The following ERICH1 variants were observed in gnomAD, a reference collection of about 807,000 sequenced individuals.
ERICH1 encodes glutamate-rich protein 1.
A neutral mutation model predicts 39.6 loss-of-function variants in ERICH1; 56 were observed. The ratio of observed to expected loss-of-function variants is 1.41; its 90% confidence interval spans 1.14 to 1.77. The LOEUF (loss-of-function observed/expected upper bound fraction) is 1.77, where lower values mean the gene tolerates loss of function less well. Among genes scored for constraint, ERICH1 ranks in the 40% most tolerant of loss-of-function variants. The probability of loss-of-function intolerance (pLI) is 0.00; values close to 1 mark genes in which losing one functional copy is unlikely to be tolerated. For missense variants in ERICH1, 826 were observed against 575.4 expected (o/e 1.44, Z -4.45); for synonymous variants, 313 against 223.6 (o/e 1.40, Z -3.57).
At chr8:721,605 C>T (rs911302686) in intron 1 of ERICH1, among the ~76,000 whole-genome samples, 1 of 152,236 alleles carries the variant, frequency 6.6e-6, no homozygotes, top group African/African-American at 2.4e-5. Context: ...GGCACTGATG[C>T]CCTTGCTGGT....
rs377363807 is a variant in ERICH1 at position 656,954 on chromosome 8, C to A, written c.976+11644G>T. On this transcript the variant is annotated intron_variant, in intron 3 of 3. Coordinates refer to the ERICH1 transcript ENST00000522706. The stretch of plus-strand genomic sequence containing the variant: ...TTAACCTAAATAATGCATTTTAGTG[C>A]AAAATAATTTTTAAGAGCAAACAAT... The A allele has an allele frequency of 1.2e-3, 766 of 663,068 alleles. 2 individuals are homozygous for A. Among genetic ancestry groups the A allele is most frequent in the African/African-American group, 8.5e-3 (438 of 51,582 alleles). The allele number at this position is 663,068 out of a possible 1,614,324, so 41.1% of individuals were successfully genotyped here.
In ERICH1 at chr8:616,762, G is replaced by A. The variant is rs189069479; in HGVS notation, c.977-1478C>T. On this transcript the variant is annotated intron_variant, in intron 3 of 3. Coordinates refer to the ERICH1 transcript ENST00000522706. ...CGGGAGAGAGAGGGACAAAGGGAGA[G>A]GAAGACAGAGAGAGGGAGAGGGAGA... 6.1e-4 allele frequency among the ~76,000 whole-genome samples: 42 copies of A among 68,718 alleles called. 1 individual carries two copies. Among genetic ancestry groups the A allele is most frequent in the African/African-American group, 3.3e-3 (41 of 12,302 alleles). The allele number at this position is 68,718 out of a possible 152,430, so 45.1% of individuals were successfully genotyped here. A position where few individuals can be genotyped will look rare whatever the true frequency, so the allele number is the denominator to read the frequency against.
intron 3 of ERICH1, among the ~76,000 whole-genome samples, chr8:641,421 C>A (rs541480913): frequency 6.6e-6 from 1 of 152,182 alleles, no homozygotes; most frequent in Non-Finnish European, 1.5e-5. Flanking sequence ...ATCCCCAAGT[C>A]CCCTTAAGTA....
intron 5 of ERICH1, among the ~76,000 whole-genome samples, chr8:665,256 C>G (rs1014508660): frequency 6.6e-6 from 1 of 152,124 alleles, no homozygotes; most frequent in Non-Finnish European, 1.5e-5. Flanking sequence ...TCTGAGCCCA[C>G]TGGTCCCCGG....
chr8:700,292 C>G (rs111216084), intron 2 of ERICH1, among the ~76,000 whole-genome samples: 3 of 81,758 alleles, frequency 3.7e-5, no homozygotes, highest in East Asian at 3.3e-4. Flanking sequence ...CCCGCACAGG[C>G]CCGGACACGC....
At chr8:688,291 G>A (rs536453268) in intron 3 of ERICH1, among the ~76,000 whole-genome samples, 2 of 30,808 alleles carry the variant, frequency 6.5e-5, no homozygotes, top group Admixed American at 6.9e-4. Flanking sequence ...GCCCCGCCCC[G>A]GCCCTTCCGC....
intron 3 of ERICH1, among the ~76,000 whole-genome samples, chr8:620,989 G>A (rs336422): frequency 0.73 from 111,235 of 152,162 alleles, 41,826 homozygotes; most frequent in East Asian, 0.93. Flanking sequence ...CACATAAAAC[G>A]TTCTCCACGA....
chr8:659,997 C>G (rs552069924), downstream of ERICH1, among the ~76,000 whole-genome samples: 16 of 152,242 alleles, frequency 1.1e-4, no homozygotes, highest in Non-Finnish European at 2.1e-4. Context: ...CTCAAGCCCC[C>G]CAAGGGAAGG....
intron 3 of ERICH1, among the ~76,000 whole-genome samples, chr8:638,944 C>A (rs939903912): frequency 5.9e-5 from 9 of 152,108 alleles, no homozygotes; most frequent in Non-Finnish European, 1.2e-4. Context: ...CAGTTTTGAA[C>A]CCATAAACGC....
At chr8:620,652 C>G (rs1196030961) in intron 3 of ERICH1, among the ~76,000 whole-genome samples, 3 of 152,146 alleles carry the variant, frequency 2.0e-5, no homozygotes, top group African/African-American at 7.2e-5. Context: ...GCTGGATAGG[C>G]TATACTAACA....
intron 3 of ERICH1, among the ~76,000 whole-genome samples, chr8:682,965 T>C (rs1383771422): frequency 6.6e-6 from 1 of 152,254 alleles, no homozygotes; most frequent in East Asian, 1.9e-4. Flanking sequence ...ATCTAAACCC[T>C]ACCTGTGAAA....
intron 2 of ERICH1, among the ~76,000 whole-genome samples, chr8:708,242 G>T (rs540644672): frequency 1.3e-5 from 2 of 152,296 alleles, no homozygotes; most frequent in East Asian, 3.9e-4. Context: ...TTCTGAAAAA[G>T]TTAAACATGG....
chr8:697,642 C>T (rs1377535398), intron 2 of ERICH1, among the ~76,000 whole-genome samples: 2 of 152,190 alleles, frequency 1.3e-5, no homozygotes, highest in Non-Finnish European at 2.9e-5. Flanking sequence ...CCATTTTGGT[C>T]TCCCTGCCTC....
At chr8:677,182 A>G (rs1257011151) in intron 3 of ERICH1, among the ~76,000 whole-genome samples, 1 of 152,204 alleles carries the variant, frequency 6.6e-6, no homozygotes, top group Non-Finnish European at 1.5e-5. Flanking sequence ...CCATGACTCG[A>G]TAAAGCAGTC....
chr8:678,924 G>A lies in ERICH1; in HGVS notation c.305-4877C>T, dbSNP rs562916001. Among the ~76,000 whole-genome samples the A allele has an allele frequency of 2.0e-5, 3 of 152,032 alleles. No individual in the cohort carries two copies. In the South Asian group the frequency reaches 6.2e-4, roughly 32 times the overall value. ...GGCTCTGGGCCCTCATGGCTCTGAC[G>A]ACCGTCACAGCTCTGGCCTCTTATG... On this transcript the variant is annotated intron_variant, in intron 3 of 5. Coordinates refer to ENST00000262109, the MANE Select transcript of ERICH1 (RefSeq NM_207332.3).
chr8:727,859 G>A (rs905045182), intron 1 of ERICH1, among the ~76,000 whole-genome samples: 1 of 152,228 alleles, frequency 6.6e-6, no homozygotes, highest in Non-Finnish European at 1.5e-5. Context: ...ACTGGCCTCA[G>A]GGTGCAGTGA....
intron 2 of ERICH1, among the ~76,000 whole-genome samples, chr8:703,798 T>C (rs1421647128): frequency 6.6e-6 from 1 of 152,124 alleles, no homozygotes; most frequent in Admixed American, 6.5e-5. Flanking sequence ...AAAAAGGGGA[T>C]CTATTGGGAG....
Position 664,815 on chromosome 8 carries a change from C to G in ERICH1, c.1259-139G>C. 4 of 629,320 alleles carry G rather than the reference C, an allele frequency of 6.4e-6. No homozygotes were observed. The East Asian group carries it at 1.1e-4, about 17-fold the overall frequency. The allele number at this position is 629,320 out of a possible 1,614,324, so 39.0% of individuals were successfully genotyped here. ...AATAAAATGCAACTTTGGCATGAAA[C>G]TGATGTTGAAAGTGACACATTATAC... On this transcript the variant is annotated intron_variant, in intron 5 of 5. Coordinates refer to ENST00000262109, the MANE Select transcript of ERICH1 (RefSeq NM_207332.3).
At chr8:715,236 C>A (rs369569403) in intron 2 of ERICH1, among the ~76,000 whole-genome samples, 1 of 138,170 alleles carries the variant, frequency 7.2e-6, no homozygotes, top group Non-Finnish European at 1.6e-5. Flanking sequence ...TAGGATGTGC[C>A]GCAGACAGGT....
Sources: allele counts gnomAD v4.1 joint callset (sites outside exome capture counted in the v4.1 genomes callset), GRCh38; gene constraint gnomAD v4.1.1; transcripts MANE v1.5; gene names NCBI Gene and HGNC (gene_info 2026-07-23, HGNC 2026-07-21).